The following RIF1 variants were observed in gnomAD, a reference collection of about 807,000 sequenced individuals.
RIF1 encodes the protein telomere-associated protein RIF1.
Under a neutral mutation model 247.1 loss-of-function variants are expected in RIF1, and 45 were observed. The ratio of observed to expected loss-of-function variants is 0.18; its 90% confidence interval spans 0.14 to 0.23. RIF1 has a LOEUF of 0.23. Among genes scored for constraint, RIF1 ranks in the 10% least tolerant of loss-of-function variants. RIF1 has a pLI of 1.00. For missense variants in RIF1, 2,967 were observed against 2,862.5 expected (o/e 1.04, Z -0.83); for synonymous variants, 1,087 against 978.8 (o/e 1.11, Z -2.06).
intron 27 of RIF1, among the ~76,000 whole-genome samples, chr2:151,461,736 G>A (rs1696204719): frequency 6.6e-6 from 1 of 152,086 alleles, no homozygotes; most frequent in African/African-American, 2.4e-5. Context: ...TTACATAAAT[G>A]CATTTCATAA....
intron 25 of RIF1, 54 bp from the exon 26 acceptor site, chr2:151,459,946 A>G: frequency 7.1e-7 from 1 of 1,402,516 alleles, no homozygotes; most frequent in Non-Finnish European, 9.6e-7. Context: ...TGAAAAGGAA[A>G]AGCAAAATAT....
At chr2:151,468,209 G>A in intron 31 of RIF1, 63 bp downstream of exon 31, 1 of 1,425,364 alleles carries the variant, frequency 7.0e-7, no homozygotes, top group Non-Finnish European at 9.6e-7. Flanking sequence ...TGTACATGAT[G>A]TGTCATAAAA....
chr2:151,433,538 T>A (rs897775567), intron 10 of RIF1, among the ~76,000 whole-genome samples: 1 of 152,138 alleles, frequency 6.6e-6, no homozygotes, highest in Non-Finnish European at 1.5e-5. Context: ...CACTGCAACC[T>A]CCACCTCCTG....
chr2:151,511,285 C>T (rs1227623909), downstream of RIF1, among the ~76,000 whole-genome samples: 1 of 152,184 alleles, frequency 6.6e-6, no homozygotes, highest in Non-Finnish European at 1.5e-5. Flanking sequence ...TGCATCCCTA[C>T]CCTTCAAAGA....
At chr2:151,494,137 C>T (rs370262770) in intron 9 of RIF1, 1 of 1,570,356 alleles carries the variant, frequency 6.4e-7, no homozygotes, top group African/African-American at 1.3e-5. Context: ...AAATTAAAAG[C>T]ACTTTTGTTT....
chr2:151,455,278 G>T (rs1268422502), intron 22 of RIF1, 119 bp downstream of exon 22: 2 of 631,630 alleles, frequency 3.2e-6, no homozygotes, highest in Non-Finnish European at 5.2e-6. Context: ...TTGTGGAGAG[G>T]ATAATAAACT....
chr2:151,412,431 C>T (rs1159516123), intron 3 of RIF1, among the ~76,000 whole-genome samples: 1 of 152,058 alleles, frequency 6.6e-6, no homozygotes, highest in East Asian at 1.9e-4. Context: ...AGCGATCCTC[C>T]CACCTCAGCC....
intron 10 of RIF1, chr2:151,497,792 G>GA (rs2061289462): frequency 3.3e-6 from 5 of 1,538,242 alleles, no homozygotes; most frequent in African/African-American, 1.4e-5. Flanking sequence ...TAAGGATGAG[G>GA]AAAAAACACA....
chr2:151,463,227 G>A lies in RIF1; in HGVS notation c.3707G>A (p.Ser1236Asn). Reference protein sequence around the residue: ...KFDGSENRPFSPSPLNNISST... With the variant: ...KFDGSENRPFNPSPLNNISST... ...GATGGTTCAGAAAATAGACCTTTTAGTCCATCCCCCTTGAATAATATTTCA... is the reference window on the plus strand; with the variant it reads ...GATGGTTCAGAAAATAGACCTTTTAATCCATCCCCCTTGAATAATATTTCA... The change falls in exon 30 of 36, where the codon AGT becomes AAT. Residue 1236 changes from serine (S) to asparagine (N), a missense_variant. Around this residue, in one of 7 missense-constraint regions of RIF1, gnomAD observed 2,028 missense variants for 1,825.6 expected, o/e 1.11. Coordinates refer to ENST00000444746, the MANE Select transcript of RIF1 (RefSeq NM_018151.5). 4 of 1,613,900 alleles carry A rather than the reference G, an allele frequency of 2.5e-6. No individual in the cohort carries two copies. The highest frequency in any genetic ancestry group is 3.4e-6 in the Non-Finnish European group (4 of 1,179,902).
downstream of RIF1, chr2:151,486,748 T>G (rs1442032350): frequency 6.6e-6 from 1 of 152,224 alleles, no homozygotes; most frequent in South Asian, 2.1e-4. Context: ...AAGGACGCCA[T>G]GCACCAAGGT....
At chr2:151,515,119 G>A in the RIF1 span, among the ~76,000 whole-genome samples, 17 of 152,146 alleles carry the variant, frequency 1.1e-4, no homozygotes, top group Non-Finnish European at 1.5e-4. Flanking sequence ...TGGCCACAAG[G>A]AAATTCAGGC....
chr2:151,469,494 C>CAGTG lies in RIF1; in HGVS notation c.6942-216_6942-213dup, dbSNP rs1378073003. 2.6e-5 allele frequency among the ~76,000 whole-genome samples: 4 copies of CAGTG among 152,204 alleles called. No individual in the cohort carries two copies. In the East Asian group the frequency reaches 7.7e-4, roughly 29 times the overall value. On this transcript the variant is annotated intron_variant, in intron 33 of 35. Transcript: ENST00000444746. ...GATGTATGTAGAAGCACAAGGCACG[C>CAGTG]AGTGGGCTCATTCAGTTGCCAGTAC...
At chr2:151,503,626 T>TAC (rs1159928719) in intron 12 of RIF1, among the ~76,000 whole-genome samples, 1 of 152,156 alleles carries the variant, frequency 6.6e-6, no homozygotes. Context: ...GTAAAAATTT[T>TAC]TACTACTTTG....
chr2:151,439,972 CA>C (rs1165450117), intron 14 of RIF1, 54 bp from the exon 15 acceptor site: 27,969 of 272,028 alleles, frequency 0.1, 33 homozygotes, highest in Middle Eastern at 0.11. Context: ...GACCCTGTCT[CA>C]AAAAAAAAAA....
chr2:151,507,707 G>C, intron 13 of RIF1: 1 of 320,166 alleles, frequency 3.1e-6, no homozygotes, highest in Non-Finnish European at 5.8e-6. Context: ...TGTCTCTCTT[G>C]TTAATCTGTC....
Position 151,462,972 on chromosome 2 carries a change from C to T in RIF1, c.3452C>T (p.Ser1151Leu), listed in dbSNP as rs140673396. 5.6e-5 allele frequency: 91 copies of T among 1,613,806 alleles called. No homozygotes were observed. The highest frequency in any genetic ancestry group is 1.6e-4 in the Middle Eastern group (1 of 6,084). The part of the protein sequence containing the change: ...MAEHLEKSSL[S>L]NNECGSLDKT... The stretch of plus-strand genomic sequence containing the variant: ...GAACATCTTGAAAAGTCCTCCCTTT[C>T]GAATAATGAGTGTGGTTCTCTTGAC... Residue 1151 changes from serine (S) to leucine (L), a missense_variant, in exon 30 of 36, where the codon TCG becomes TTG. Coordinates refer to ENST00000444746, the MANE Select transcript of RIF1 (RefSeq NM_018151.5).
At chr2:151,531,629 T>A in the RIF1 span, among the ~76,000 whole-genome samples, 1 of 152,080 alleles carries the variant, frequency 6.6e-6, no homozygotes, top group Non-Finnish European at 1.5e-5. Flanking sequence ...AACAATTCTT[T>A]ATTGGGGAGG....
intron 33 of RIF1, 32 bp downstream of exon 33, chr2:151,468,788 T>A: frequency 7.1e-7 from 1 of 1,417,726 alleles, no homozygotes; most frequent in Non-Finnish European, 1.0e-6. Context: ...TTGCTTATAT[T>A]CCAAGATGCC....
At chr2:151,494,478 A>G (rs1394607892) in intron 9 of RIF1, among the ~76,000 whole-genome samples, 1 of 152,090 alleles carries the variant, frequency 6.6e-6, no homozygotes, top group East Asian at 1.9e-4. Flanking sequence ...TGCAAGAGAG[A>G]CCTGTGGTGT....
Sources: allele counts gnomAD v4.1 joint callset (sites outside exome capture counted in the v4.1 genomes callset), GRCh38; gene constraint gnomAD v4.1.1; regional missense constraint gnomAD v4.1.1; transcripts MANE v1.5; gene names NCBI Gene and HGNC (gene_info 2026-07-23, HGNC 2026-07-21).